The following ZNF362 variants were observed in gnomAD, a reference collection of about 807,000 sequenced individuals.
The protein encoded by ZNF362 is zinc finger protein 362, also known as rotund homolog.
Under a neutral mutation model 42.9 loss-of-function variants are expected in ZNF362, and 11 were observed. That is an observed-to-expected ratio of 0.26 (90% CI 0.16 to 0.42). ZNF362 has a LOEUF of 0.42. Ranked by LOEUF, ZNF362 falls within the 20% of genes least tolerant of loss-of-function variation. The pLI is 1.00. For synonymous variants in ZNF362, 255 were observed against 257.3 expected (o/e 0.99, Z 0.09); for missense variants, 362 against 576.2 (o/e 0.63, Z 3.81).
At chr1:33,229,967 C>T in the ZNF362 span, among the ~76,000 whole-genome samples, 12 of 152,258 alleles carry the variant, frequency 7.9e-5, no homozygotes, top group African/African-American at 2.6e-4. Context: ...GATCCCTACC[C>T]ACATGCATAC....
At chr1:33,141,888 C>G in the ZNF362 span, 2 of 157,274 alleles carry the variant, frequency 1.3e-5, no homozygotes, top group Non-Finnish European at 2.8e-5. Context: ...AAAATATATT[C>G]TTTTCATCAA....
Position 33,294,652 on chromosome 1 carries a change from G to A in ZNF362, c.909-285G>A, listed in dbSNP as rs943738801. 6.6e-6 allele frequency among the ~76,000 whole-genome samples: 1 copy of A among 152,178 alleles called. No homozygotes were observed. Among genetic ancestry groups the A allele is most frequent in the Non-Finnish European group, 1.5e-5 (1 of 68,028 alleles). On this transcript the variant is annotated intron_variant, in intron 6 of 8. Coordinates refer to ENST00000539719, the MANE Select transcript of ZNF362 (RefSeq NM_152493.3). This position sits in a 1 kb window ranked among gnomAD's most constrained non-coding sequence, Gnocchi z 4.2. ...GGGGCAGCCAAATCAGGCCCTCTCC[G>A]AGGCCTGCACTGGGTTGCTGCAAGG...
At chr1:33,190,060 T>C in the ZNF362 span, among the ~76,000 whole-genome samples, 1 of 152,134 alleles carries the variant, frequency 6.6e-6, no homozygotes, top group Non-Finnish European at 1.5e-5. Flanking sequence ...TATCTGGATA[T>C]TTTTGTTCTC....
chr1:33,169,325 C>T, the ZNF362 span, among the ~76,000 whole-genome samples: 22 of 152,142 alleles, frequency 1.4e-4, no homozygotes, highest in Non-Finnish European at 2.9e-4. Flanking sequence ...TGATTCCTAC[C>T]GCCTCCAAAC....
chr1:33,217,091 C>T, the ZNF362 span, among the ~76,000 whole-genome samples: 3 of 152,100 alleles, frequency 2.0e-5, no homozygotes, highest in Admixed American at 6.5e-5. Flanking sequence ...GGAACAGGCA[C>T]GTGGCACAAA....
At chr1:33,189,736 T>C in the ZNF362 span, among the ~76,000 whole-genome samples, 11 of 131,986 alleles carry the variant, frequency 8.3e-5, no homozygotes, top group Middle Eastern at 0.011. Context: ...CACATACACA[T>C]ATATATATAT....
the ZNF362 span, among the ~76,000 whole-genome samples, chr1:33,183,465 T>C: frequency 6.6e-6 from 1 of 152,236 alleles, no homozygotes; most frequent in Non-Finnish European, 1.5e-5. Context: ...GCCCTGATTT[T>C]GGTCAGGTGG....
At chr1:33,193,270 T>C in the ZNF362 span, among the ~76,000 whole-genome samples, 2 of 152,212 alleles carry the variant, frequency 1.3e-5, no homozygotes, top group African/African-American at 4.8e-5. Context: ...TAAGTTCACA[T>C]GTTTGCATTA....
the ZNF362 span, among the ~76,000 whole-genome samples, chr1:33,249,100 T>A: frequency 1.3e-5 from 2 of 152,202 alleles, no homozygotes; most frequent in Non-Finnish European, 2.9e-5. Flanking sequence ...GAAAGGTAGG[T>A]CCATGGAGCT....
intron 8 of ZNF362, among the ~76,000 whole-genome samples, chr1:33,296,274 A>T (rs1308733041): frequency 6.6e-6 from 1 of 152,148 alleles, no homozygotes; most frequent in Non-Finnish European, 1.5e-5. Context: ...GCCAGTAGCA[A>T]CCGCTCCCCA....
chr1:33,268,297 G>A (rs1413418795), intron 1 of ZNF362, among the ~76,000 whole-genome samples: 1 of 152,188 alleles, frequency 6.6e-6, no homozygotes, highest in African/African-American at 2.4e-5. Context: ...TGGAGGAGGG[G>A]GAGGGGGCTT....
intron 1 of ZNF362, among the ~76,000 whole-genome samples, chr1:33,268,540 G>A (rs1645879791): frequency 6.6e-6 from 1 of 152,198 alleles, no homozygotes; most frequent in Non-Finnish European, 1.5e-5. Flanking sequence ...GCAGAGAGGA[G>A]AGCACACAGT....
chr1:33,250,856 G>GAAGAAGAAGAAGAAA, the ZNF362 span, among the ~76,000 whole-genome samples: 1 of 109,898 alleles, frequency 9.1e-6, no homozygotes, highest in Admixed American at 8.4e-5. Flanking sequence ...AAAGAAGGAA[G>GAAGAAGAAGAAGAAA]AAGAAGAAGA....
chr1:33,181,496 T>C, the ZNF362 span: 2 of 1,504,444 alleles, frequency 1.3e-6, no homozygotes, highest in Non-Finnish European at 1.8e-6. This position sits in a 1 kb window ranked among gnomAD's most constrained non-coding sequence, Gnocchi z 6.5. Context: ...AGCGCGGCGC[T>C]GTCGGAGGCA....
At chr1:33,244,381 C>A in the ZNF362 span, among the ~76,000 whole-genome samples, 7 of 152,190 alleles carry the variant, frequency 4.6e-5, no homozygotes, top group Non-Finnish European at 8.8e-5. The surrounding 1 kb of genome is among the most constrained non-coding windows in gnomAD (Gnocchi z 4.0). Flanking sequence ...CACCGGAATG[C>A]CCTCACTAAC....
chr1:33,298,788 A>G lies in ZNF362; in HGVS notation c.1147-142A>G, dbSNP rs896747542. The G allele has an allele frequency of 8.4e-6, 6 of 714,708 alleles. No individual in the cohort carries two copies. In the African/African-American group the frequency reaches 1.0e-4, roughly 12 times the overall value. The allele number at this position is 714,708 out of a possible 1,614,324, so 44.3% of individuals were successfully genotyped here. On this transcript the variant is annotated intron_variant, in intron 8 of 8. Transcript: ENST00000539719. ...TCTCTAGAACCAATGGCCGACGCCC[A>G]TCTGACCCTGCAAAACTGTGGCTGT...
chr1:33,261,625 G>A (rs1183737043), intron 1 of ZNF362: 2 of 152,310 alleles, frequency 1.3e-5, no homozygotes, highest in South Asian at 2.1e-4. Context: ...CAGGCTTGGT[G>A]TACTCAGGAA....
intron 8 of ZNF362, 51 bp from the exon 9 acceptor site, chr1:33,298,879 C>T: frequency 1.3e-6 from 2 of 1,521,654 alleles, no homozygotes; most frequent in Non-Finnish European, 1.8e-6. Flanking sequence ...GCAGCCTCTT[C>T]TCCCTCCCTT....
chr1:33,199,531 T>A, the ZNF362 span, among the ~76,000 whole-genome samples: 1 of 152,060 alleles, frequency 6.6e-6, no homozygotes, highest in South Asian at 2.1e-4. Flanking sequence ...TTAAAGGAAG[T>A]TATTCAAGCA....
Sources: gnomAD v4.1 joint callset for allele counts (sites outside exome capture counted in the v4.1 genomes callset) on GRCh38, gnomAD v4.1.1 for gene constraint, Gnocchi (gnomAD v3.1) non-coding constraint, MANE v1.5 for transcripts, NCBI Gene and HGNC (gene_info 2026-07-23, HGNC 2026-07-21) for gene names.